RIMKLB: variants seen among roughly 807,000 people sequenced by gnomAD.
RIMKLB encodes ribosomal modification protein rimK like family member B, also known as beta-citrylglutamate synthase B.
In RIMKLB, 7 loss-of-function variants were observed where a neutral mutation model predicts 32.0. The ratio of observed to expected loss-of-function variants is 0.22; its 90% CI spans 0.12 to 0.41. RIMKLB has a LOEUF of 0.41. Ranked by LOEUF, RIMKLB falls within the 10% of genes least tolerant of loss-of-function variation. RIMKLB has a pLI of 1.00. For synonymous variants in RIMKLB, 172 were observed against 185.1 expected, an observed-to-expected ratio of 0.93 and a Z score of 0.57; for missense variants, 289 against 498.7, an observed-to-expected ratio of 0.58 and a Z score of 4.00.
the RIMKLB span, chr12:8,668,874 G>A: frequency 1.1e-4 from 17 of 152,262 alleles, no homozygotes; most frequent in African/African-American, 3.6e-4. Flanking sequence ...CAACAGAAAC[G>A]TTGGGAAAAT....
the RIMKLB span, among the ~76,000 whole-genome samples, chr12:8,671,971 C>A: frequency 6.6e-6 from 1 of 152,234 alleles, no homozygotes; most frequent in East Asian, 1.9e-4. Flanking sequence ...TCCAAGTCAC[C>A]TCTTGAATGC....
chr12:8,694,853 G>C (rs867457444), upstream of RIMKLB, among the ~76,000 whole-genome samples: 1 of 152,298 alleles, frequency 6.6e-6, no homozygotes, highest in African/African-American at 2.4e-5. Context: ...CTATTTGTAT[G>C]ATTATCACAC....
chr12:8,687,073 C>T (rs12296895), intron 1 of RIMKLB, among the ~76,000 whole-genome samples: 7,843 of 152,226 alleles, frequency 0.052, 602 homozygotes, highest in African/African-American at 0.17. Context: ...TTTCTTACTT[C>T]ATACCAGTAT....
downstream of RIMKLB, chr12:8,777,197 T>G: frequency 3.1e-6 from 3 of 966,800 alleles, no homozygotes; most frequent in Non-Finnish European, 3.7e-6. Context: ...CCAGGTTCAC[T>G]GACTGCTTGC....
chr12:8,753,826 A>T, intron 4 of RIMKLB, 64 bp from the exon 5 acceptor site: 1 of 1,273,268 alleles, frequency 7.9e-7, no homozygotes, highest in African/African-American at 1.5e-5. Context: ...GAAGATTCAG[A>T]TAATAGGTAT....
upstream of RIMKLB, among the ~76,000 whole-genome samples, chr12:8,677,932 ATATTTATT>A (rs35415396): frequency 3.9e-4 from 58 of 148,444 alleles, no homozygotes; most frequent in African/African-American, 9.8e-4. Flanking sequence ...TATTTTTATT[ATATTTATT>A]TATTTATTTA....
chr12:8,760,766 T>C (rs1949453274), intron 5 of RIMKLB, among the ~76,000 whole-genome samples: 1 of 152,266 alleles, frequency 6.6e-6, no homozygotes, highest in African/African-American at 2.4e-5. Flanking sequence ...TCTGTTCATA[T>C]CCTTCGCCCA....
chr12:8,705,715 C>T (rs1457252953), intron 1 of RIMKLB, among the ~76,000 whole-genome samples: 2 of 152,064 alleles, frequency 1.3e-5, no homozygotes, highest in East Asian at 1.9e-4. Context: ...CTTATGATTG[C>T]GGAGTTGCTA....
upstream of RIMKLB, among the ~76,000 whole-genome samples, chr12:8,680,313 C>T (rs1161847683): frequency 3.3e-5 from 5 of 152,236 alleles, no homozygotes; most frequent in African/African-American, 4.8e-5. Flanking sequence ...CCCGCCACCA[C>T]GCCCGGCTAA....
At chr12:8,741,769 G>C (rs1378498961) in intron 2 of RIMKLB, among the ~76,000 whole-genome samples, 1 of 151,826 alleles carries the variant, frequency 6.6e-6, no homozygotes, top group Non-Finnish European at 1.5e-5. Context: ...GACAGAGCAA[G>C]ACCAAAACTA....
chr12:8,726,023 T>C (rs1945964542), intron 2 of RIMKLB, among the ~76,000 whole-genome samples: 1 of 152,196 alleles, frequency 6.6e-6, no homozygotes, highest in Non-Finnish European at 1.5e-5. Flanking sequence ...AATTTTTGTA[T>C]TTTTAGTAGA....
rs967363131 is a variant in RIMKLB, at chr12:8,688,951, C to G, written n.219+7133C>G. On this transcript the variant is annotated intron_variant and non_coding_transcript_variant, in intron 1 of 1. Coordinates refer to the RIMKLB transcript ENST00000538758. ...CTGGGTTCAAGAGATTCTCCTGTCT[C>G]AGCCTCCCAAGTAGCTGGGATTACA... Among the ~76,000 whole-genome samples, 4 of 152,216 alleles carry G rather than the reference C, an allele frequency of 2.6e-5. No individual in the cohort carries two copies. In the South Asian group the frequency reaches 8.3e-4, roughly 32 times the overall value.
At chr12:8,759,657 AC>A (rs1387514488) in intron 5 of RIMKLB, among the ~76,000 whole-genome samples, 1 of 152,160 alleles carries the variant, frequency 6.6e-6, no homozygotes, top group Non-Finnish European at 1.5e-5. Flanking sequence ...ACCAACGACT[AC>A]TAAATGCCAA....
chr12:8,697,788 C>G (rs1350769206), upstream of RIMKLB: 1 of 170,286 alleles, frequency 5.9e-6, no homozygotes, highest in Non-Finnish European at 1.3e-5. Context: ...GGTGTCAGAT[C>G]CGCTCGGCAG....
chr12:8,694,169 G>A (rs1942815101), upstream of RIMKLB, among the ~76,000 whole-genome samples: 1 of 152,104 alleles, frequency 6.6e-6, no homozygotes, highest in African/African-American at 2.4e-5. Flanking sequence ...GGAGGTGGAG[G>A]TTGCAGTGAG....
At chr12:8,744,806 G>T (rs1947923174) in intron 2 of RIMKLB, among the ~76,000 whole-genome samples, 1 of 151,788 alleles carries the variant, frequency 6.6e-6, no homozygotes, top group African/African-American at 2.4e-5. Context: ...GATTACAGGT[G>T]TGTGCCACCA....
At chr12:8,693,395 TTCTTTC>T (rs1337747006), upstream of RIMKLB, among the ~76,000 whole-genome samples, 67 of 143,246 alleles carry the variant, frequency 4.7e-4, no homozygotes, top group Middle Eastern at 3.6e-3. Context: ...TTTTCTTTCT[TTCTTTC>T]TTTTTTTTTT....
At chr12:8,718,118 C>T (rs1945043362) in intron 2 of RIMKLB, among the ~76,000 whole-genome samples, 1 of 152,092 alleles carries the variant, frequency 6.6e-6, no homozygotes, top group South Asian at 2.1e-4. Flanking sequence ...AGTCAAACTA[C>T]TGTGCCAGCT....
At chr12:8,683,781 C>T (rs1047750292) in intron 1 of RIMKLB, among the ~76,000 whole-genome samples, 1 of 152,074 alleles carries the variant, frequency 6.6e-6, no homozygotes, top group East Asian at 1.9e-4. Flanking sequence ...GAGTCTCGCT[C>T]CTGCCGCCCA....
Sources: allele counts gnomAD v4.1 joint callset (sites outside exome capture counted in the v4.1 genomes callset), GRCh38; gene constraint gnomAD v4.1.1; transcripts MANE v1.5; gene names NCBI Gene and HGNC (gene_info 2026-07-23, HGNC 2026-07-21).